PLCE1: variants seen among roughly 807,000 people sequenced by gnomAD.
PLCE1 encodes the protein phospholipase C epsilon 1, also known as 1-phosphatidylinositol 4,5-bisphosphate phosphodiesterase epsilon-1.
PLCE1 carries 119 observed loss-of-function variants against 242.8 expected under a neutral mutation model. The ratio of observed to expected loss-of-function variants is 0.49; its 90% confidence interval spans 0.42 to 0.57. PLCE1 has a LOEUF of 0.57. Among genes scored for constraint, PLCE1 ranks in the 20% least tolerant of loss-of-function variants. PLCE1 has a pLI of 0.00. For missense variants in PLCE1, 2,441 were observed against 2,788.8 expected (o/e 0.88, Z 2.81); for synonymous variants, 945 against 1,017.4 (o/e 0.93, Z 1.35).
rs543693606 is a variant in PLCE1, at chr10:94,178,165, C to T, written c.1809+6669C>T. On this transcript the variant is annotated intron_variant, in intron 4 of 32. Coordinates refer to ENST00000371380, the MANE Select transcript of PLCE1 (RefSeq NM_016341.4). ...CACTTCCAGGCACTCTTTTGTGTAA[C>T]AGACAGTTGATATCTCTGGCTGGAA... Among the ~76,000 whole-genome samples, 44 of 152,310 alleles carry T rather than the reference C, an allele frequency of 2.9e-4. No individual in the cohort carries two copies. In the Middle Eastern group the frequency reaches 0.01, roughly 35 times the overall value.
chr10:94,013,746 G>A (rs371284142), intron 1 of PLCE1, among the ~76,000 whole-genome samples: 1 of 152,170 alleles, frequency 6.6e-6, no homozygotes, highest in Non-Finnish European at 1.5e-5. Flanking sequence ...ACCAGGCAGG[G>A]TAATATTATA....
chr10:94,062,987 A>G, intron 2 of PLCE1, among the ~76,000 whole-genome samples: 1 of 151,764 alleles, frequency 6.6e-6, no homozygotes. Context: ...CTCACCTTCC[A>G]TTGCCTTCTC....
chr10:94,255,914 ACTCTCTCTCTCTCTCTCTCTCTCT>A (rs111704161), intron 11 of PLCE1, among the ~76,000 whole-genome samples: 1 of 67,286 alleles, frequency 1.5e-5, no homozygotes, highest in Non-Finnish European at 2.8e-5. Flanking sequence ...ACACACACAC[ACTCTCTCTCTCTCTCTCTCTCTCT>A]CTCTCTCTCT....
At chr10:94,297,343 C>T (rs556971957) in intron 23 of PLCE1, among the ~76,000 whole-genome samples, 4 of 152,044 alleles carry the variant, frequency 2.6e-5, no homozygotes, top group South Asian at 2.1e-4. Context: ...AGTCAGAGCA[C>T]GCACATTTGT....
chr10:94,022,327 C>G (rs946651308), intron 1 of PLCE1, among the ~76,000 whole-genome samples: 2 of 151,860 alleles, frequency 1.3e-5, no homozygotes, highest in African/African-American at 4.8e-5. Context: ...ACATACTTAA[C>G]AAAAGATGTG....
chr10:94,019,370 A>G (rs1233139132), intron 1 of PLCE1, among the ~76,000 whole-genome samples: 3 of 152,210 alleles, frequency 2.0e-5, no homozygotes, highest in Non-Finnish European at 4.4e-5. Context: ...TAAAGTATAC[A>G]TCTATATAGC....
chr10:94,316,705 G>T lies in PLCE1; in HGVS notation c.6291G>T (p.Trp2097Cys). ...EEEIMQILSSWFPEEGYMGRI... is the reference protein window; with the variant it reads ...EEEIMQILSSCFPEEGYMGRI... ...AGATCATGCAAATTTTAAGCAGCTG[G>T]TTTCCAGAAGAGGGATACATGGGCA... Residue 2097 changes from tryptophan (W) to cysteine (C), a missense_variant, in exon 29 of 33, where the codon TGG becomes TGT. Transcript: ENST00000371380. The T allele has an allele frequency of 6.2e-7, 1 of 1,614,064 alleles. No individual in the cohort carries two copies. Among genetic ancestry groups the T allele is most frequent in the Non-Finnish European group, 8.5e-7 (1 of 1,179,968 alleles).
At chr10:94,164,533 T>A (rs1160999659) in intron 3 of PLCE1, among the ~76,000 whole-genome samples, 2 of 152,204 alleles carry the variant, frequency 1.3e-5, no homozygotes, top group African/African-American at 2.4e-5. Flanking sequence ...AGTTAGCTAT[T>A]CGTCTAATCT....
chr10:94,229,201 C>CA (rs35857376), intron 5 of PLCE1, among the ~76,000 whole-genome samples: 54,978 of 148,530 alleles, frequency 0.37, 10,498 homozygotes, highest in East Asian at 0.59. Flanking sequence ...AACAAACAAA[C>CA]AAAAAAAAAC....
At chr10:93,995,826 T>C (rs2060808763) in intron 1 of PLCE1, among the ~76,000 whole-genome samples, 1 of 152,238 alleles carries the variant, frequency 6.6e-6, no homozygotes, top group African/African-American at 2.4e-5. Context: ...GTTTGACCTG[T>C]CATTAAAAAT....
chr10:94,279,668 A>C (rs1321721327), intron 19 of PLCE1, 114 bp from the exon 20 acceptor site: 1 of 1,217,174 alleles, frequency 8.2e-7, no homozygotes, highest in African/African-American at 1.5e-5. Context: ...CAAATGTATC[A>C]AAATAGGTTA....
chr10:94,180,109 G>T (rs1235988367), intron 4 of PLCE1, among the ~76,000 whole-genome samples: 5 of 151,798 alleles, frequency 3.3e-5, no homozygotes, highest in Non-Finnish European at 1.5e-5. Context: ...AGTTGTTCTG[G>T]CTTCCAGAGC....
chr10:94,210,915 C>T (rs1012207903), intron 4 of PLCE1, among the ~76,000 whole-genome samples: 17 of 152,212 alleles, frequency 1.1e-4, no homozygotes, highest in Admixed American at 5.2e-4. Context: ...CTCTATTCTC[C>T]TCTGCCCTTT....
chr10:94,114,746 G>A (rs1330004767), intron 2 of PLCE1, among the ~76,000 whole-genome samples: 1 of 131,600 alleles, frequency 7.6e-6, no homozygotes, highest in African/African-American at 2.7e-5. Context: ...TTTTGTTGTT[G>A]TTCTTGCACA....
At chr10:94,314,167 G>C (rs1368826270) in intron 28 of PLCE1, among the ~76,000 whole-genome samples, 1 of 152,234 alleles carries the variant, frequency 6.6e-6, no homozygotes, top group African/African-American at 2.4e-5. Flanking sequence ...ATCCAAAGAG[G>C]GAGGGGGCAT....
At chr10:94,245,925 A>G in intron 7 of PLCE1, 21 bp from the exon 8 acceptor site, 10 of 1,606,086 alleles carry the variant, frequency 6.2e-6, no homozygotes, top group Non-Finnish European at 8.5e-6. Flanking sequence ...GACAAACCAA[A>G]TTGGTGTTTC....
intron 2 of PLCE1, chr10:94,105,923 A>G (rs964109428): frequency 6.6e-6 from 1 of 152,270 alleles, no homozygotes; most frequent in South Asian, 2.1e-4. Flanking sequence ...CCTTTTTATG[A>G]GTGTTAACTC....
intron 2 of PLCE1, among the ~76,000 whole-genome samples, chr10:94,106,570 C>G (rs1016571966): frequency 1.3e-5 from 2 of 152,090 alleles, no homozygotes; most frequent in African/African-American, 4.8e-5. Flanking sequence ...AATGTGATTG[C>G]TGAGTCTTGG....
chr10:94,011,990 T>G (rs2061177917), intron 1 of PLCE1, among the ~76,000 whole-genome samples: 1 of 152,136 alleles, frequency 6.6e-6, no homozygotes. Context: ...CACTCAGGGC[T>G]CAGAGGAGTT....
Sources: allele counts gnomAD v4.1 joint callset (sites outside exome capture counted in the v4.1 genomes callset), GRCh38; gene constraint gnomAD v4.1.1; transcripts MANE v1.5; gene names NCBI Gene and HGNC (gene_info 2026-07-23, HGNC 2026-07-21).